The following PCDH15 variants were observed in gnomAD, a reference collection of about 807,000 sequenced individuals.
PCDH15 encodes protocadherin related 15.
Under a neutral mutation model 178.5 loss-of-function variants are expected in PCDH15, and 129 were observed. That is an observed-to-expected ratio of 0.72 (90% confidence interval 0.63 to 0.84). The LOEUF is 0.84. Among genes scored for constraint, PCDH15 ranks in the 40% least tolerant of loss-of-function variants. PCDH15 has a pLI of 0.00. For synonymous variants in PCDH15, 800 were observed against 732.0 expected (o/e 1.09, Z -1.50); for missense variants, 2,230 against 2,099.9 (o/e 1.06, Z -1.21).
chr10:55,104,529 G>T (rs991186827), intron 2 of PCDH15, among the ~76,000 whole-genome samples: 2 of 152,034 alleles, frequency 1.3e-5, no homozygotes, highest in Admixed American at 6.6e-5. Flanking sequence ...CCACATAAAA[G>T]ATGCATTTTC....
Position 54,602,939 on chromosome 10 carries a change from A to C in PCDH15, c.91+61233T>G, listed in dbSNP as rs181157401. On this transcript the variant is annotated intron_variant, in intron 2 of 37. Coordinates refer to ENST00000644397, the MANE Select transcript of PCDH15 (RefSeq NM_001384140.1). ...GGCCTGTAGTTTACTTTTCTTGTGG[A>C]TGTCTTTGGTTATCAGGTCGATGCT... Among the ~76,000 whole-genome samples the C allele has an allele frequency of 2.4e-3, 356 of 148,122 alleles. 1 individual carries two copies. Among genetic ancestry groups the C allele is most frequent in the Non-Finnish European group, 4.3e-3 (289 of 67,874 alleles).
chr10:55,376,299 C>T (rs1190750224), intron 2 of PCDH15, among the ~76,000 whole-genome samples: 1 of 151,978 alleles, frequency 6.6e-6, no homozygotes. Flanking sequence ...TTAGGTTATC[C>T]CACAGGATTT....
intron 2 of PCDH15, among the ~76,000 whole-genome samples, chr10:55,101,545 ATT>A (rs1266415144): frequency 1.3e-5 from 2 of 151,862 alleles, no homozygotes; most frequent in African/African-American, 2.4e-5. Flanking sequence ...GAATAAGTGT[ATT>A]TTCGACTACT....
intron 9 of PCDH15, among the ~76,000 whole-genome samples, chr10:54,219,592 C>CAA (rs763785938): frequency 0.06 from 1,725 of 28,762 alleles, no homozygotes; most frequent in Non-Finnish European, 0.092. Context: ...GACTCCATCT[C>CAA]AAAAAAAAAA....
intron 13 of PCDH15, among the ~76,000 whole-genome samples, chr10:54,181,218 A>G (rs2047953911): frequency 6.6e-6 from 1 of 152,186 alleles, no homozygotes. Context: ...TTAGCAAAGA[A>G]AAATGTAGCT....
At chr10:55,284,567 T>A (rs1303351088) in intron 1 of PCDH15, among the ~76,000 whole-genome samples, 4 of 97,630 alleles carry the variant, frequency 4.1e-5, no homozygotes, top group Middle Eastern at 5.7e-3. Flanking sequence ...TTTCTGCATA[T>A]TATTTTTTCT....
At chr10:54,600,886 G>T (rs144089331) in intron 2 of PCDH15, among the ~76,000 whole-genome samples, 428 of 151,988 alleles carry the variant, frequency 2.8e-3, no homozygotes, top group Non-Finnish European at 4.3e-3. Flanking sequence ...GTATGTACCT[G>T]GGAAATTTAC....
At chr10:54,631,971 C>T (rs935371976) in intron 2 of PCDH15, among the ~76,000 whole-genome samples, 1 of 152,038 alleles carries the variant, frequency 6.6e-6, no homozygotes, top group East Asian at 1.9e-4. Flanking sequence ...AAAAGGATTA[C>T]AATTCAAAAT....
intron 2 of PCDH15, among the ~76,000 whole-genome samples, chr10:54,569,648 G>T (rs992146011): frequency 6.6e-6 from 1 of 152,222 alleles, no homozygotes; most frequent in African/African-American, 2.4e-5. Flanking sequence ...GTTGGCTTTG[G>T]GGGATTTTTC....
chr10:53,834,934 T>C (rs115682372), intron 29 of PCDH15, among the ~76,000 whole-genome samples: 98 of 152,320 alleles, frequency 6.4e-4, no homozygotes, highest in African/African-American at 2.3e-3. Context: ...GACAACTGTC[T>C]ATTTCCTTTG....
chr10:55,163,893 T>G (rs577271012), intron 2 of PCDH15, among the ~76,000 whole-genome samples: 2 of 152,258 alleles, frequency 1.3e-5, no homozygotes, highest in Admixed American at 6.5e-5. Flanking sequence ...GATCAAGAAA[T>G]AACTGTTAAG....
At chr10:55,568,623 G>C (rs531078664) in intron 2 of PCDH15, among the ~76,000 whole-genome samples, 5 of 151,966 alleles carry the variant, frequency 3.3e-5, no homozygotes, top group Non-Finnish European at 5.9e-5. Flanking sequence ...GTTTGGCTTT[G>C]AACAAGCTAA....
At chr10:55,142,004 A>G (rs1457066960) in intron 2 of PCDH15, among the ~76,000 whole-genome samples, 1 of 152,128 alleles carries the variant, frequency 6.6e-6, no homozygotes, top group Non-Finnish European at 1.5e-5. Flanking sequence ...GATTCTTTGC[A>G]CATAAACATA....
chr10:54,417,804 A>G (rs912953237), intron 3 of PCDH15, among the ~76,000 whole-genome samples: 2 of 152,198 alleles, frequency 1.3e-5, no homozygotes, highest in African/African-American at 4.8e-5. Context: ...ATATTTGATC[A>G]TTCACAATGC....
chr10:54,295,871 G>A (rs1056673708), intron 8 of PCDH15, among the ~76,000 whole-genome samples: 7 of 151,250 alleles, frequency 4.6e-5, no homozygotes, highest in Admixed American at 2.0e-4. Context: ...GTGGCCGGGC[G>A]CGGTGGCTCA....
intron 26 of PCDH15, among the ~76,000 whole-genome samples, chr10:53,867,117 A>T (rs2133164472): frequency 6.6e-6 from 1 of 152,212 alleles, no homozygotes; most frequent in East Asian, 1.9e-4. Flanking sequence ...TGTACCCTTT[A>T]ACAAATTTCT....
At chr10:54,133,109 T>A in intron 14 of PCDH15, 102 bp from the exon 15 acceptor site, 1 of 1,484,210 alleles carries the variant, frequency 6.7e-7, no homozygotes, top group Non-Finnish European at 9.3e-7. Context: ...GAGAAAAAAT[T>A]TCCAAATTTT....
intron 2 of PCDH15, among the ~76,000 whole-genome samples, chr10:55,370,498 G>A (rs139755371): frequency 2.0e-5 from 3 of 152,044 alleles, no homozygotes; most frequent in Admixed American, 1.3e-4. Context: ...CTAATGAATC[G>A]CCTGTTAGGT....
intron 2 of PCDH15, among the ~76,000 whole-genome samples, chr10:55,547,315 A>G (rs1841906018): frequency 6.6e-6 from 1 of 152,200 alleles, no homozygotes; most frequent in Non-Finnish European, 1.5e-5. Context: ...AAACAATTAT[A>G]TGAGAAACAT....
Sources: allele counts gnomAD v4.1 joint callset (sites outside exome capture counted in the v4.1 genomes callset), GRCh38; gene constraint gnomAD v4.1.1; transcripts MANE v1.5; gene names NCBI Gene and HGNC (gene_info 2026-07-23, HGNC 2026-07-21).